Variants in SHOC2 observed in about 807,000 individuals in gnomAD.
SHOC2 encodes leucine-rich repeat protein SHOC-2.
SHOC2 carries 4 observed loss-of-function variants against 50.2 expected under a neutral mutation model. That is an observed-to-expected ratio of 0.08 (90% CI 0.04 to 0.18). SHOC2 has a LOEUF of 0.18. SHOC2 is among the 10% of genes least tolerant of loss of function. SHOC2 has a pLI of 1.00. For missense variants in SHOC2, 388 were observed against 669.6 expected (o/e 0.58, Z 4.64); for synonymous variants, 218 against 244.5 (o/e 0.89, Z 1.01).
At chr10:110,959,258 ATGAG>A (rs1353077530) in intron 1 of SHOC2, among the ~76,000 whole-genome samples, 1 of 152,234 alleles carries the variant, frequency 6.6e-6, no homozygotes, top group Non-Finnish European at 1.5e-5. Flanking sequence ...CAAGATCAGT[ATGAG>A]TATCAGTGAT....
intron 1 of SHOC2, among the ~76,000 whole-genome samples, chr10:110,937,572 C>T (rs1450682660): frequency 6.6e-6 from 1 of 152,178 alleles, no homozygotes; most frequent in East Asian, 1.9e-4. Context: ...TAGTTGTTTT[C>T]AGATATTTTT....
intron 2 of SHOC2, among the ~76,000 whole-genome samples, chr10:110,970,744 T>G (rs1462419055): frequency 1.1e-3 from 133 of 122,992 alleles, no homozygotes; most frequent in African/African-American, 3.6e-3. Flanking sequence ...TTTTTTTTTT[T>G]GTCATTTTGA....
intron 2 of SHOC2, among the ~76,000 whole-genome samples, chr10:110,977,535 G>A (rs998504591): frequency 6.6e-6 from 1 of 152,300 alleles, no homozygotes; most frequent in African/African-American, 2.4e-5. Flanking sequence ...GTGAGCCACC[G>A]TACCCATCCT....
At chr10:111,004,055 A>C (rs1268626031) in intron 4 of SHOC2, among the ~76,000 whole-genome samples, 2 of 152,184 alleles carry the variant, frequency 1.3e-5, no homozygotes, top group Non-Finnish European at 2.9e-5. Context: ...ATTTTACCAT[A>C]TAGAAAAGCG....
intron 1 of SHOC2, among the ~76,000 whole-genome samples, chr10:110,933,355 TTTATATATATTTATGA>T (rs1307882029): frequency 6.6e-6 from 1 of 151,978 alleles, no homozygotes; most frequent in African/African-American, 2.4e-5. Context: ...CTTTGAAAAT[TTTATATATATTTATGA>T]TTATATATGA....
chr10:110,962,207 A>G (rs1176613870), intron 1 of SHOC2, among the ~76,000 whole-genome samples: 2 of 152,122 alleles, frequency 1.3e-5, no homozygotes, highest in Admixed American at 6.5e-5. Flanking sequence ...TGATCCTTAT[A>G]TAGGAGGTGT....
chr10:111,013,405 C>CT lies in SHOC2; in HGVS notation c.*1591dup, dbSNP rs1209023344. 6.6e-6 allele frequency: 1 copy of CT among 151,196 alleles called. No individual in the cohort carries two copies. The highest frequency in any genetic ancestry group is 1.5e-5 in the Non-Finnish European group (1 of 67,874). The allele number at this position is 151,196 out of a possible 1,614,324, so 9.4% of individuals were successfully genotyped here. ...GATAGAAATTTGGACTGTTGTTCTG[C>CT]TTTTCCTGGCACTCAAATTCATGAC... On this transcript the variant is annotated 3_prime_UTR_variant, in exon 9 of 9. Coordinates refer to ENST00000369452, the MANE Select transcript of SHOC2 (RefSeq NM_007373.4).
chr10:111,004,448 A>T (rs1848433098), intron 4 of SHOC2, among the ~76,000 whole-genome samples, 158 bp from the exon 5 acceptor site: 2 of 152,198 alleles, frequency 1.3e-5, no homozygotes, highest in African/African-American at 4.8e-5. Context: ...CTGTGTAGTG[A>T]CTGTCCCTGT....
At position 111,009,605 on chromosome 10, in the gene SHOC2, A is replaced by G. The variant is rs1018533294; in HGVS notation, c.1423-108A>G. The G allele has an allele frequency of 2.5e-5, 21 of 835,848 alleles. No individual in the cohort carries two copies. In the East Asian group the frequency reaches 4.0e-4, roughly 16 times the overall value. The allele number at this position is 835,848 out of a possible 1,614,324, so 51.8% of individuals were successfully genotyped here. On this transcript the variant is annotated intron_variant, in intron 7 of 8. Coordinates refer to ENST00000369452, the MANE Select transcript of SHOC2 (RefSeq NM_007373.4). ...ATGTAAGTGATTCTCATTCTATCCAATCTGGTTTCCCTGTTAATTTATTTT... is the reference window on the plus strand; with the variant it reads ...ATGTAAGTGATTCTCATTCTATCCAGTCTGGTTTCCCTGTTAATTTATTTT...
intron 1 of SHOC2, among the ~76,000 whole-genome samples, chr10:110,954,629 AC>A (rs1472318792): frequency 6.6e-5 from 10 of 152,264 alleles, no homozygotes; most frequent in Non-Finnish European, 4.4e-5. Context: ...TACAGAGCTT[AC>A]ATTCTTGCAG....
intron 4 of SHOC2, 53 bp downstream of exon 4, chr10:111,000,598 C>T: frequency 2.0e-6 from 3 of 1,496,624 alleles, no homozygotes; most frequent in East Asian, 2.3e-5. Context: ...CAAGATAATT[C>T]AAGGAAAGCT....
At chr10:110,990,445 A>G (rs890397956) in intron 3 of SHOC2, among the ~76,000 whole-genome samples, 11 of 152,156 alleles carry the variant, frequency 7.2e-5, no homozygotes, top group African/African-American at 1.2e-4. Flanking sequence ...GAGTGCACCA[A>G]TCAACACTCT....
intron 1 of SHOC2, among the ~76,000 whole-genome samples, chr10:110,955,601 G>T (rs17128189): frequency 6.6e-6 from 1 of 152,086 alleles, no homozygotes; most frequent in Admixed American, 6.6e-5. Context: ...CATACTTGCG[G>T]TATCACGTGT....
intron 1 of SHOC2, among the ~76,000 whole-genome samples, chr10:110,920,784 A>G (rs929936446): frequency 1.3e-5 from 2 of 152,220 alleles, no homozygotes; most frequent in Non-Finnish European, 2.9e-5. Context: ...GTCTCTGGGG[A>G]TGCTGAAGCA....
chr10:110,987,865 C>T (rs1848109633), intron 3 of SHOC2, among the ~76,000 whole-genome samples: 1 of 151,826 alleles, frequency 6.6e-6, no homozygotes, highest in Non-Finnish European at 1.5e-5. Context: ...TCCATATAAC[C>T]AAATGAACAC....
At chr10:110,971,815 A>G (rs1171021669) in intron 2 of SHOC2, among the ~76,000 whole-genome samples, 1 of 152,088 alleles carries the variant, frequency 6.6e-6, no homozygotes, top group Non-Finnish European at 1.5e-5. Context: ...ACTCATCAAC[A>G]TTTATTGAAA....
At position 110,947,726 on chromosome 10, in the gene SHOC2, C is replaced by T. The variant is rs573854119; in HGVS notation, c.-234-16399C>T. On this transcript the variant is annotated intron_variant, in intron 1 of 8. Transcript: ENST00000369452. The stretch of plus-strand genomic sequence containing the variant: ...ATATACATTTCGTGGAGAAAAACCC[C>T]TGTAAATACACAAAAGATAAAGAGA... Among the ~76,000 whole-genome samples the T allele has an allele frequency of 1.0e-4, 15 of 148,028 alleles. No homozygotes were observed. The East Asian group carries it at 3.0e-3, about 29-fold the overall frequency.
At chr10:110,967,512 A>G (rs1337409369) in intron 2 of SHOC2, among the ~76,000 whole-genome samples, 1 of 152,178 alleles carries the variant, frequency 6.6e-6, no homozygotes, top group African/African-American at 2.4e-5. Flanking sequence ...CATTAAAAAT[A>G]AACAATTCAG....
intron 2 of SHOC2, among the ~76,000 whole-genome samples, chr10:110,978,621 C>T (rs1847918274): frequency 6.6e-6 from 1 of 152,232 alleles, no homozygotes; most frequent in East Asian, 1.9e-4. Context: ...AATCTCTGCT[C>T]AGCTCCTTTA....
Sources: allele counts gnomAD v4.1 joint callset (sites outside exome capture counted in the v4.1 genomes callset), GRCh38; gene constraint gnomAD v4.1.1; transcripts MANE v1.5; gene names NCBI Gene and HGNC (gene_info 2026-07-23, HGNC 2026-07-21).